NCKAP1L: variants seen among roughly 807,000 people sequenced by gnomAD.
NCKAP1L encodes nck-associated protein 1-like.
NCKAP1L carries 53 observed loss-of-function variants against 139.2 expected under a neutral mutation model. That is an observed-to-expected ratio of 0.38 (90% CI 0.31 to 0.48). The LOEUF (loss-of-function observed/expected upper bound fraction) is 0.48. Among genes scored for constraint, NCKAP1L ranks in the 20% least tolerant of loss-of-function variants. The pLI, the probability that NCKAP1L is intolerant of heterozygous loss-of-function variation, is 0.98. For missense variants in NCKAP1L, 1,151 were observed against 1,381.9 expected, an observed-to-expected ratio of 0.83 and a Z score of 2.65; for synonymous variants, 468 against 499.7, an observed-to-expected ratio of 0.94 and a Z score of 0.85.
At position 54,516,872 on chromosome 12, in the gene NCKAP1L, T is replaced by C. The variant is rs749062704; in HGVS notation, c.999-24T>C. ...TTTTTAAGGGTGGGAGAGGTGATAG[T>C]CATGTTCCCCTTTTCTTCCTTAGTG... On this transcript the variant is annotated intron_variant, in intron 10 of 30. Coordinates refer to ENST00000293373, the MANE Select transcript of NCKAP1L (RefSeq NM_005337.5). 2.5e-6 allele frequency: 4 copies of C among 1,604,200 alleles called. No individual in the cohort carries two copies. In the African/African-American group the frequency reaches 5.4e-5, roughly 21 times the overall value.
rs542854440 is a variant in NCKAP1L, at chr12:54,535,209, GA to G, written c.2956+15del. 2,392 of 1,606,606 alleles carry G rather than the reference GA, an allele frequency of 1.5e-3. 3 individuals carry two copies. Among genetic ancestry groups the G allele is most frequent in the Non-Finnish European group, 1.9e-3 (2,254 of 1,173,846 alleles). On this transcript the variant is annotated intron_variant, in intron 27 of 30. Transcript: ENST00000293373. Reference sequence around the variant, plus strand: ...TAATCTGAAAGCTGGTAAGATTGGGGAAAGGGGGCGAGATTTGGGAAAGGAG... The same window carrying G: ...TAATCTGAAAGCTGGTAAGATTGGGGAAGGGGGCGAGATTTGGGAAAGGAG...
At chr12:54,522,181 A>G (rs989035145) in intron 18 of NCKAP1L, among the ~76,000 whole-genome samples, 1 of 152,226 alleles carries the variant, frequency 6.6e-6, no homozygotes, top group Non-Finnish European at 1.5e-5. Flanking sequence ...TTAAGAGAAA[A>G]GGGAGTATAA....
chr12:54,518,606 A>G lies in NCKAP1L; in HGVS notation c.1339-45A>G, dbSNP rs542611024. On this transcript the variant is annotated intron_variant, in intron 13 of 30. Coordinates refer to ENST00000293373, the MANE Select transcript of NCKAP1L (RefSeq NM_005337.5). Reference sequence around the variant, plus strand: ...GCCTCATGGTCCTAGTTTCTGTCCTAGGGAACCTGTGCCCACTTGACAGTA... The same window carrying G: ...GCCTCATGGTCCTAGTTTCTGTCCTGGGGAACCTGTGCCCACTTGACAGTA... 293 of 1,454,358 alleles carry G rather than the reference A, an allele frequency of 2.0e-4. 3 individuals carry two copies. The South Asian group carries it at 3.2e-3, about 16-fold the overall frequency. 90.1% of individuals were successfully genotyped at this position (1,454,358 alleles called of 1,614,324 possible). A position where few individuals can be genotyped will look rare whatever the true frequency, so the allele number is the denominator to read the frequency against.
At chr12:54,503,606 T>C (rs994640345) in intron 3 of NCKAP1L, among the ~76,000 whole-genome samples, 27 of 150,938 alleles carry the variant, frequency 1.8e-4, no homozygotes, top group Middle Eastern at 3.4e-3. Flanking sequence ...TATACACACA[T>C]ATATATATAT....
intron 1 of NCKAP1L, among the ~76,000 whole-genome samples, chr12:54,498,207 G>A (rs991914937): frequency 2.0e-5 from 3 of 152,080 alleles, no homozygotes; most frequent in Admixed American, 1.3e-4. Flanking sequence ...AAAGGTCTGG[G>A]GTCCAACCTT....
intron 18 of NCKAP1L, among the ~76,000 whole-genome samples, chr12:54,522,313 A>C (rs1956990315): frequency 6.6e-6 from 1 of 152,260 alleles, no homozygotes; most frequent in Non-Finnish European, 1.5e-5. Context: ...AGCCAAGAAG[A>C]GATCATCAGT....
At chr12:54,506,796 A>AAAAAAAT in intron 3 of NCKAP1L, among the ~76,000 whole-genome samples, 47 of 50,604 alleles carry the variant, frequency 9.3e-4, no homozygotes, top group South Asian at 4.7e-3. Context: ...AAAAAAAAAA[A>AAAAAAAT]ATATATATAT....
chr12:54,534,977 C>T, intron 26 of NCKAP1L, 127 bp from the exon 27 acceptor site: 1 of 613,206 alleles, frequency 1.6e-6, no homozygotes, highest in Non-Finnish European at 2.7e-6. Context: ...TCTTTCTCTA[C>T]ATATATATAA....
chr12:54,536,878 C>A, intron 28 of NCKAP1L, 66 bp from the exon 29 acceptor site: 1 of 1,095,692 alleles, frequency 9.1e-7, no homozygotes, highest in Non-Finnish European at 1.4e-6. Flanking sequence ...TAGTTTGGGT[C>A]ATCCTGGAGT....
At chr12:54,507,776 C>T (rs2120891957) in intron 3 of NCKAP1L, 77 bp from the exon 4 acceptor site, 1 of 1,353,918 alleles carries the variant, frequency 7.4e-7, no homozygotes, top group South Asian at 1.2e-5. Context: ...GGGAGAGGTC[C>T]CTTTCCCTCA....
In NCKAP1L at chr12:54,512,063, A is replaced by G. The variant is rs1956893520; in HGVS notation, c.899A>G (p.Gln300Arg). Residue 300 changes from glutamine (Q) to arginine (R), a missense_variant, in exon 9 of 31, where the codon CAG (glutamine) becomes CGG (arginine). By Grantham distance (43) the Gln-to-Arg change is conservative (BLOSUM62 1). Transcript: ENST00000293373. ...ACCCTTATCCGTGAGGATGTGCTGCAGGTGCACAAAGTCACCGAGGACCTG... is the reference window on the plus strand; with the variant it reads ...ACCCTTATCCGTGAGGATGTGCTGCGGGTGCACAAAGTCACCGAGGACCTG... ...YITLIREDVL[Q>R]VHKVTEDLFS... 6.2e-7 allele frequency: 1 copy of G among 1,614,182 alleles called. No homozygotes were observed. Among genetic ancestry groups the G allele is most frequent in the South Asian group, 1.1e-5 (1 of 91,088 alleles).
At chr12:54,500,769 T>G in intron 3 of NCKAP1L, 144 bp downstream of exon 3, 3 of 623,762 alleles carry the variant, frequency 4.8e-6, no homozygotes, top group Non-Finnish European at 8.6e-6. Flanking sequence ...AGTTGTATTG[T>G]TAAATGAAAG....
chr12:54,523,677 A>C, intron 19 of NCKAP1L, 138 bp downstream of exon 19: 5 of 1,433,354 alleles, frequency 3.5e-6, no homozygotes, highest in Non-Finnish European at 4.7e-6. Flanking sequence ...CTTAAATGCG[A>C]ATTTCCTACT....
intron 3 of NCKAP1L, among the ~76,000 whole-genome samples, chr12:54,506,796 A>AAAATATAT: frequency 0.016 from 826 of 50,550 alleles, 12 homozygotes; most frequent in African/African-American, 0.02. Context: ...AAAAAAAAAA[A>AAAATATAT]ATATATATAT....
In NCKAP1L at chr12:54,536,140, C is replaced by T; in HGVS notation, c.2968C>T (p.Pro990Ser). ...IANLKADTSS[P>S]EEEYKVACLL... is the part of the protein sequence containing the mutation. ...TTCCCTCTCACCAGATACTTCATCT[C>T]CTGAGGAGGAATATAAGGTGGCCTG... The change falls in exon 28 of 31, where the codon CCT becomes TCT. Residue 990 changes from proline (P) to serine (S), a missense_variant. Physicochemically the swap from Pro to Ser is moderately conservative, Grantham distance 74 (BLOSUM62 -1). Transcript: ENST00000293373. The T allele has an allele frequency of 6.2e-7, 1 of 1,612,088 alleles. No individual in the cohort carries two copies. The highest frequency in any genetic ancestry group is 1.3e-5 in the African/African-American group (1 of 74,942).
At chr12:54,502,823 CAA>C (rs780466592) in intron 3 of NCKAP1L, among the ~76,000 whole-genome samples, 5 of 57,946 alleles carry the variant, frequency 8.6e-5, no homozygotes, top group Admixed American at 2.6e-4. Context: ...CCCATCTACA[CAA>C]AAAAAAAAAA....
At position 54,518,751 on chromosome 12, in the gene NCKAP1L, G is replaced by A; in HGVS notation, c.1420+19G>A. 1 of 1,597,770 alleles carries A rather than the reference G, an allele frequency of 6.3e-7. No individual in the cohort carries two copies. The highest frequency in any genetic ancestry group is 8.6e-7 in the Non-Finnish European group (1 of 1,165,234). On this transcript the variant is annotated intron_variant, in intron 14 of 30. Transcript: ENST00000293373. ...AAACAAGGTAACTGGAGGGAGGTGG[G>A]GGAGGCAGGACATATGTGAGGATGA...
chr12:54,517,635 G>T lies in NCKAP1L; in HGVS notation c.1198G>T (p.Ala400Ser). ...CAAGACAAAGACACCTGAGGACTAT[G>T]CTGACTCGTTAGTACTTGACATGGC... is the stretch of plus-strand genomic sequence containing the variant. ...VTKTKTPEDY[A>S]DSSIAELLFL... The change falls in exon 12 of 31, where the codon GCT (alanine) becomes TCT (serine). Residue 400 changes from alanine to serine, a missense_variant. Transcript: ENST00000293373. 6.2e-7 allele frequency: 1 copy of T among 1,611,736 alleles called. No individual in the cohort carries two copies. Among genetic ancestry groups the T allele is most frequent in the South Asian group, 1.1e-5 (1 of 91,028 alleles).
chr12:54,527,726 A>C (rs1307844183), intron 21 of NCKAP1L, among the ~76,000 whole-genome samples: 1 of 152,030 alleles, frequency 6.6e-6, no homozygotes, highest in Non-Finnish European at 1.5e-5. Flanking sequence ...TGCCTGGGAG[A>C]GGCGGGTTGG....
Sources: gnomAD v4.1 joint callset for allele counts (sites outside exome capture counted in the v4.1 genomes callset) on GRCh38, gnomAD v4.1.1 for gene constraint, MANE v1.5 for transcripts, NCBI Gene and HGNC (gene_info 2026-07-23, HGNC 2026-07-21) for gene names.